TRIP10: variants seen among roughly 807,000 people sequenced by gnomAD.
TRIP10 encodes cdc42-interacting protein 4.
A neutral mutation model predicts 80.9 loss-of-function variants in TRIP10; 54 were observed. That is an observed-to-expected ratio of 0.67 (90% confidence interval 0.54 to 0.84). TRIP10 has a LOEUF of 0.84. Among genes scored for constraint, TRIP10 ranks in the 40% least tolerant of loss-of-function variants. The probability of loss-of-function intolerance (pLI) is 0.00; values close to 1 mark genes in which losing one functional copy is unlikely to be tolerated. For missense variants in TRIP10, 773 were observed against 815.3 expected, an observed-to-expected ratio of 0.95 and a Z score of 0.63; for synonymous variants, 321 against 307.2, an observed-to-expected ratio of 1.04 and a Z score of -0.47.
rs534886687 is a variant in TRIP10 at position 6,750,379 on chromosome 19, A to T, written c.1483A>T (p.Ser495Cys). 110 of 1,613,922 alleles carry T rather than the reference A, an allele frequency of 6.8e-5. 2 individuals carry two copies. The South Asian group carries it at 1.2e-3, about 18-fold the overall frequency. ...RHARPPDPPA[S>C]APPDSSSNSA... ...CGCCCGGCCTCCCGACCCCCCCGCT[A>T]GCGCCCCGCCAGACAGCAGCAGCAA... is the stretch of plus-strand genomic sequence containing the variant. Residue 495 changes from serine (S) to cysteine (C), a missense_variant, in exon 13 of 15, where the codon AGC becomes TGC. By Grantham distance (112) the Ser-to-Cys change is moderately radical. Coordinates refer to ENST00000313244, the MANE Select transcript of TRIP10 (RefSeq NM_001288962.2).
chr19:6,748,934 T>A (rs1388524950), intron 11 of TRIP10: 1 of 151,732 alleles, frequency 6.6e-6, no homozygotes, highest in Non-Finnish European at 1.5e-5. Flanking sequence ...ACAGTATTTA[T>A]TAGTCACTTA....
chr19:6,746,070 C>G lies in TRIP10; in HGVS notation c.1026C>G (p.Pro342=). ...PPLSPLGGPV[P]SALPNGPPSP... ...TCTCCCCCCTGGGGGGCCCCGTACC[C>G]TCGGCATTGCCTAACGGACCCCCGT... is the stretch of plus-strand genomic sequence containing the variant. The change falls in exon 10 of 15, where the codon CCC becomes CCG. Residue 342 remains proline, a synonymous_variant. Transcript: ENST00000313244. The surrounding 1 kb of genome is among the most constrained non-coding windows in gnomAD (Gnocchi z 6.2). 6.6e-7 allele frequency: 1 copy of G among 1,518,194 alleles called. No individual in the cohort carries two copies. Among genetic ancestry groups the G allele is most frequent in the Non-Finnish European group, 8.8e-7 (1 of 1,131,636 alleles). 94.0% of individuals were successfully genotyped at this position (1,518,194 alleles called of 1,614,324 possible).
rs551658601 is a variant in TRIP10, at chr19:6,747,847, A to G, written c.1262+1286A>G. Among the ~76,000 whole-genome samples the G allele has an allele frequency of 1.9e-3, 294 of 152,108 alleles. 2 individuals carry two copies. The highest frequency in any genetic ancestry group is 3.1e-3 in the Non-Finnish European group (213 of 68,014). ...TAGCCGAGCACAGTGGCTCATGCCTATAAGCCCAGCACTTTGGGAGGCTGG... is the reference window on the plus strand; with the variant it reads ...TAGCCGAGCACAGTGGCTCATGCCTGTAAGCCCAGCACTTTGGGAGGCTGG... On this transcript the variant is annotated intron_variant, in intron 11 of 14. Coordinates refer to ENST00000313244, the MANE Select transcript of TRIP10 (RefSeq NM_001288962.2).
chr19:6,743,969 CAGTG>C (rs1371965144), intron 7 of TRIP10, 133 bp downstream of exon 7: 1 of 1,220,464 alleles, frequency 8.2e-7, no homozygotes, highest in Non-Finnish European at 1.2e-6. Flanking sequence ...CCTATAGTAA[CAGTG>C]AGCTGTGCTT....
chr19:6,743,899 C>T (rs1451365111), intron 7 of TRIP10, 63 bp downstream of exon 7: 40 of 1,587,400 alleles, frequency 2.5e-5, no homozygotes, highest in Non-Finnish European at 3.1e-5. Context: ...CCAACTCCTA[C>T]GCATTCATCA....
At chr19:6,742,747 A>C (rs1968957729) in intron 3 of TRIP10, among the ~76,000 whole-genome samples, 1 of 149,046 alleles carries the variant, frequency 6.7e-6, no homozygotes, top group Non-Finnish European at 1.5e-5. Context: ...ATGCCGCTGC[A>C]CTGCAGCCTG....
Position 6,744,468 on chromosome 19 carries a change from AG to A in TRIP10, c.643-85del. 3 of 1,571,590 alleles carry A rather than the reference AG, an allele frequency of 1.9e-6. No individual in the cohort carries two copies. Among genetic ancestry groups the A allele is most frequent in the Non-Finnish European group, 2.6e-6 (3 of 1,158,924 alleles). On this transcript the variant is annotated intron_variant, in intron 7 of 14. Coordinates refer to ENST00000313244, the MANE Select transcript of TRIP10 (RefSeq NM_001288962.2). The surrounding 1 kb of genome is among the most constrained non-coding windows in gnomAD (Gnocchi z 4.9). ...TGGCTTGGGGCTGGGGCCAGCGTGG[AG>A]CGCGATCATATTTGCAGAGTGAATC...
chr19:6,744,922 G>C lies in TRIP10; in HGVS notation c.912G>C (p.Ser304=). The part of the protein sequence containing the change: ...APSDSSLGTP[S]DGRPELRGPG... ...CCGACAGCAGTCTGGGCACCCCCTC[G>C]GATGGACGGCCTGAACTCCGAGGCC... Residue 304 remains serine (S), a synonymous_variant, in exon 9 of 15, where the codon TCG becomes TCC. Coordinates refer to ENST00000313244, the MANE Select transcript of TRIP10 (RefSeq NM_001288962.2). The surrounding 1 kb of genome is among the most constrained non-coding windows in gnomAD (Gnocchi z 4.9). 1 of 1,614,160 alleles carries C rather than the reference G, an allele frequency of 6.2e-7. No individual in the cohort carries two copies. The highest frequency in any genetic ancestry group is 2.2e-5 in the East Asian group (1 of 44,880).
chr19:6,745,240 C>A lies in TRIP10; in HGVS notation c.984+246C>A. The stretch of plus-strand genomic sequence containing the variant: ...CGTTTGTCTGCTGCTTCTCGGGATG[C>A]TGGGAGAAAACCTGCTGGTGGAATT... On this transcript the variant is annotated intron_variant, in intron 9 of 14. Coordinates refer to ENST00000313244, the MANE Select transcript of TRIP10 (RefSeq NM_001288962.2). The surrounding 1 kb of genome is among the most constrained non-coding windows in gnomAD (Gnocchi z 7.2). 2 of 547,964 alleles carry A rather than the reference C, an allele frequency of 3.6e-6. No individual in the cohort carries two copies. Among genetic ancestry groups the A allele is most frequent in the Non-Finnish European group, 6.3e-6 (2 of 319,294 alleles). 33.9% of individuals were successfully genotyped at this position (547,964 alleles called of 1,614,324 possible).
At position 6,742,847 on chromosome 19, in the gene TRIP10, G is replaced by T. The variant is rs946686072; in HGVS notation, c.198-120G>T. ...GGAATATGGACCAGAATTTGTCATC[G>T]CTTCAGGGATTACATTCTTGGGGCT... On this transcript the variant is annotated intron_variant, in intron 3 of 14. Coordinates refer to ENST00000313244, the MANE Select transcript of TRIP10 (RefSeq NM_001288962.2). 51 of 1,349,590 alleles carry T rather than the reference G, an allele frequency of 3.8e-5. No individual in the cohort carries two copies. In the Admixed American group the frequency reaches 4.2e-4, roughly 11 times the overall value. 83.6% of individuals were successfully genotyped at this position (1,349,590 alleles called of 1,614,324 possible).
rs339406 is a variant in TRIP10, at chr19:6,744,243, C to G, written c.643-311C>G. On this transcript the variant is annotated intron_variant, in intron 7 of 14. Coordinates refer to ENST00000313244, the MANE Select transcript of TRIP10 (RefSeq NM_001288962.2). This position sits in a 1 kb window ranked among gnomAD's most constrained non-coding sequence, Gnocchi z 4.9. ...CTGTTTCAATCTAGCGCTCCACTCT[C>G]TGTCCCATCCGTGGCCCTGGGAGTA... 0.29 allele frequency among the ~76,000 whole-genome samples: 43,447 copies of G among 152,168 alleles called. 6,883 individuals are homozygous for G. The highest frequency in any genetic ancestry group is 0.43 in the East Asian group (2,203 of 5,164).
In TRIP10 at chr19:6,743,209, C is replaced by T. The variant is rs147776897; in HGVS notation, c.361C>T (p.Arg121Trp). ...QERKMHFQEG[R>W]RAQQQLENGF... ...CTTTCTGTAGCACTTCCAAGAAGGG[C>T]GGCGGGCCCAGCAGCAGCTGGAAAA... Residue 121 changes from arginine (R) to tryptophan (W), a missense_variant, in exon 5 of 15, where the codon CGG becomes TGG. Transcript: ENST00000313244. 17 of 1,614,012 alleles carry T rather than the reference C, an allele frequency of 1.1e-5. No individual in the cohort carries two copies. Among genetic ancestry groups the T allele is most frequent in the Admixed American group, 3.3e-5 (2 of 60,004 alleles).
chr19:6,742,252 T>C (rs1968936886), intron 3 of TRIP10, among the ~76,000 whole-genome samples: 2 of 151,730 alleles, frequency 1.3e-5, no homozygotes, highest in East Asian at 2.0e-4. Context: ...TAGCCAGGCG[T>C]TGTGGTGCGC....
chr19:6,739,706 G>T lies in TRIP10; in HGVS notation c.-56G>T. Reference sequence around the variant, plus strand: ...AGTCTCCCCGGGGAGGGCGGCGGGCGGCGGGCGGCGGGGACCGGGTGCGGT... The same window carrying T: ...AGTCTCCCCGGGGAGGGCGGCGGGCTGCGGGCGGCGGGGACCGGGTGCGGT... On this transcript the variant is annotated 5_prime_UTR_variant, in exon 1 of 15. Coordinates refer to ENST00000313244, the MANE Select transcript of TRIP10 (RefSeq NM_001288962.2). 3 of 1,275,102 alleles carry T rather than the reference G, an allele frequency of 2.4e-6. No homozygotes were observed. Among genetic ancestry groups the T allele is most frequent in the Non-Finnish European group, 3.0e-6 (3 of 1,008,054 alleles). 79.0% of individuals were successfully genotyped at this position (1,275,102 alleles called of 1,614,324 possible). A position where few individuals can be genotyped will look rare whatever the true frequency, so the allele number is the denominator to read the frequency against.
intron 7 of TRIP10, 109 bp downstream of exon 7, chr19:6,743,945 A>T (rs1394281961): frequency 7.1e-7 from 1 of 1,417,506 alleles, no homozygotes; most frequent in African/African-American, 1.4e-5. Context: ...CCTAGATTGA[A>T]AGGGAATCAG....
Position 6,745,139 on chromosome 19 carries a change from A to C in TRIP10, c.984+145A>C. On this transcript the variant is annotated intron_variant, in intron 9 of 14. Coordinates refer to ENST00000313244, the MANE Select transcript of TRIP10 (RefSeq NM_001288962.2). The surrounding 1 kb of genome is among the most constrained non-coding windows in gnomAD (Gnocchi z 7.2). ...TGGCTGCCAGCCCGGACTGGAGGGA[A>C]GGAAGGCGGCCGATTGGCCTGGGAG... 1 of 1,165,980 alleles carries C rather than the reference A, an allele frequency of 8.6e-7. No homozygotes were observed. Among genetic ancestry groups the C allele is most frequent in the Non-Finnish European group, 1.1e-6 (1 of 874,096 alleles). 72.2% of individuals were successfully genotyped at this position (1,165,980 alleles called of 1,614,324 possible). A position where few individuals can be genotyped will look rare whatever the true frequency, so the allele number is the denominator to read the frequency against.
At chr19:6,741,397 G>T (rs976515659) in intron 3 of TRIP10, 116 bp downstream of exon 3, 7 of 1,200,094 alleles carry the variant, frequency 5.8e-6, no homozygotes, top group African/African-American at 1.5e-5. Flanking sequence ...CCTTCTAGAG[G>T]TGAGAGCATG....
intron 1 of TRIP10, among the ~76,000 whole-genome samples, chr19:6,740,399 C>G (rs1681730969): frequency 6.6e-6 from 1 of 152,222 alleles, no homozygotes; most frequent in African/African-American, 2.4e-5. Context: ...TTCCCCCTAT[C>G]CTAGCCGGAC....
At position 6,746,099 on chromosome 19, in the gene TRIP10, C is replaced by T; in HGVS notation, c.1055C>T (p.Pro352Leu). ...GCATTGCCTAACGGACCCCCGTCCC[C>T]CCGCTCCGGCCGTGACCCCTTGGCC... is the stretch of plus-strand genomic sequence containing the variant. ...PSALPNGPPS[P>L]RSGRDPLAIL... Residue 352 changes from proline (P) to leucine (L), a missense_variant, in exon 10 of 15, where the codon CCC (proline) becomes CTC (leucine). Coordinates refer to ENST00000313244, the MANE Select transcript of TRIP10 (RefSeq NM_001288962.2). The surrounding 1 kb of genome is among the most constrained non-coding windows in gnomAD (Gnocchi z 6.2). 1.3e-6 allele frequency: 2 copies of T among 1,545,162 alleles called. No homozygotes were observed. The highest frequency in any genetic ancestry group is 1.7e-6 in the Non-Finnish European group (2 of 1,144,836).
Sources: gnomAD v4.1 joint callset for allele counts (sites outside exome capture counted in the v4.1 genomes callset) on GRCh38, gnomAD v4.1.1 for gene constraint, Gnocchi (gnomAD v3.1) non-coding constraint, MANE v1.5 for transcripts, NCBI Gene and HGNC (gene_info 2026-07-23, HGNC 2026-07-21) for gene names.